ACSS3: variants seen among roughly 807,000 people sequenced by gnomAD.
The protein encoded by ACSS3 is acyl-CoA synthetase short chain family member 3.
In ACSS3, 64 loss-of-function variants were observed where a neutral mutation model predicts 84.2. That is an observed-to-expected ratio of 0.76 (90% CI 0.62 to 0.94). The LOEUF is 0.94. ACSS3 is among the 40% of genes least tolerant of loss of function. ACSS3 has a pLI of 0.00. For missense variants in ACSS3, 815 were observed against 867.6 expected, an observed-to-expected ratio of 0.94 and a Z score of 0.76; for synonymous variants, 317 against 310.1, an observed-to-expected ratio of 1.02 and a Z score of -0.23.
At chr12:81,082,044 A>T (rs183134059) in intron 1 of ACSS3, among the ~76,000 whole-genome samples, 1 of 152,366 alleles carries the variant, frequency 6.6e-6, no homozygotes, top group East Asian at 1.9e-4. Context: ...AGCGTGAAAG[A>T]CATGCATTAA....
At chr12:81,205,072 C>T (rs1043949845) in intron 9 of ACSS3, among the ~76,000 whole-genome samples, 2 of 152,006 alleles carry the variant, frequency 1.3e-5, no homozygotes, top group East Asian at 1.9e-4. Context: ...TGAACTGCTT[C>T]GGTTTTAATT....
chr12:81,232,453 T>A (rs1043104183), intron 12 of ACSS3, among the ~76,000 whole-genome samples: 1 of 151,778 alleles, frequency 6.6e-6, no homozygotes, highest in Admixed American at 6.6e-5. Flanking sequence ...GGAACTGAGA[T>A]GAACCAAAAT....
chr12:81,242,003 T>A (rs2135993083), intron 13 of ACSS3, among the ~76,000 whole-genome samples: 1 of 152,310 alleles, frequency 6.6e-6, no homozygotes, highest in South Asian at 2.1e-4. Flanking sequence ...CATCTTGAAT[T>A]GATTTTCATA....
rs1024256244 is a variant in ACSS3, at chr12:81,253,547, A to G, written c.1872A>G (p.Arg624=). ...TGGAAGAAATTGTGAAACACGTTAG[A>G]CAGAACATTGGCCCTGTGGCTGCTT... The part of the protein sequence containing the change: ...QVLEEIVKHV[R]QNIGPVAAFR... The change falls in exon 15 of 16, where the codon AGA becomes AGG. Residue 624 remains arginine, a synonymous_variant. Transcript: ENST00000548058. 1 of 1,613,986 alleles carries G rather than the reference A, an allele frequency of 6.2e-7. No homozygotes were observed. The highest frequency in any genetic ancestry group is 1.7e-5 in the Admixed American group (1 of 59,964).
chr12:81,259,674 T>A lies in ACSS3; in HGVS notation c.*4752T>A. On this transcript the variant is annotated 3_prime_UTR_variant, in exon 16 of 16. Transcript: ENST00000548058. ...AAAAGACGCCATCTAAAATATACAA[T>A]GGATAGCATTAGTTCACTGAAAAGT... 6.5e-7 allele frequency: 1 copy of A among 1,533,440 alleles called. No homozygotes were observed. Among genetic ancestry groups the A allele is most frequent in the Non-Finnish European group, 8.7e-7 (1 of 1,144,776 alleles). 95.0% of individuals were successfully genotyped at this position (1,533,440 alleles called of 1,614,324 possible).
At chr12:81,161,467 T>C (rs948852033) in intron 7 of ACSS3, among the ~76,000 whole-genome samples, 5 of 152,258 alleles carry the variant, frequency 3.3e-5, no homozygotes, top group Non-Finnish European at 7.3e-5. Context: ...GTTTCACTTC[T>C]ATTTTTTTGA....
rs190893733 is a variant in ACSS3 at position 81,212,266 on chromosome 12, T to C, written c.1355-4635T>C. Among the ~76,000 whole-genome samples, 216 of 152,334 alleles carry C rather than the reference T, an allele frequency of 1.4e-3. 1 individual carries two copies. The highest frequency in any genetic ancestry group is 2.5e-3 in the Non-Finnish European group (167 of 68,022). On this transcript the variant is annotated intron_variant, in intron 9 of 15. Transcript: ENST00000548058. ...ATGCGGGTAGAAATTTTGGCTACTT[T>C]TGTTTATTGTATCTCCAGTTCTAAC...
intron 7 of ACSS3, among the ~76,000 whole-genome samples, chr12:81,172,569 G>A (rs1442913467): frequency 1.3e-5 from 2 of 151,962 alleles, no homozygotes; most frequent in Non-Finnish European, 2.9e-5. Context: ...CCAGGAGGTC[G>A]AGGTTGTAGT....
chr12:81,128,585 A>G (rs1565993574), intron 2 of ACSS3, among the ~76,000 whole-genome samples: 1 of 152,312 alleles, frequency 6.6e-6, no homozygotes, highest in East Asian at 1.9e-4. Context: ...AAATTTAAAA[A>G]CAAATTTAAG....
chr12:81,177,950 C>A (rs1411295505), intron 8 of ACSS3, among the ~76,000 whole-genome samples: 1 of 152,144 alleles, frequency 6.6e-6, no homozygotes, highest in African/African-American at 2.4e-5. Context: ...TTGACCCAGC[C>A]ATCCCATTAC....
chr12:81,157,862 C>T (rs1886957866), intron 7 of ACSS3, among the ~76,000 whole-genome samples: 1 of 151,468 alleles, frequency 6.6e-6, no homozygotes, highest in Admixed American at 6.6e-5. Context: ...GGCATACACA[C>T]CAGAAGGGTA....
intron 6 of ACSS3, 33 bp downstream of exon 6, chr12:81,151,957 A>C (rs755844009): frequency 6.2e-7 from 1 of 1,612,786 alleles, no homozygotes; most frequent in African/African-American, 1.3e-5. Context: ...ATTACATGAC[A>C]TTCTCTGAAT....
intron 2 of ACSS3, among the ~76,000 whole-genome samples, chr12:81,133,577 T>C (rs1885636110): frequency 6.6e-6 from 1 of 152,132 alleles, no homozygotes; most frequent in Admixed American, 6.6e-5. Flanking sequence ...TTTTTTCAAC[T>C]TCTACATGTC....
At chr12:81,169,194 G>A (rs1316257560) in intron 7 of ACSS3, among the ~76,000 whole-genome samples, 1 of 152,176 alleles carries the variant, frequency 6.6e-6, no homozygotes, top group Non-Finnish European at 1.5e-5. Flanking sequence ...TATCCTTACA[G>A]GTGAGGCCTA....
At chr12:81,100,490 A>G (rs1882423930) in intron 1 of ACSS3, among the ~76,000 whole-genome samples, 1 of 152,154 alleles carries the variant, frequency 6.6e-6, no homozygotes. Context: ...AGGAGCTGAG[A>G]TTCTACCCAT....
chr12:81,122,451 A>G (rs1173190505), intron 2 of ACSS3, among the ~76,000 whole-genome samples: 1 of 152,148 alleles, frequency 6.6e-6, no homozygotes, highest in Non-Finnish European at 1.5e-5. Context: ...AAGTGTATAT[A>G]GCAGACAACA....
intron 3 of ACSS3, among the ~76,000 whole-genome samples, chr12:81,138,341 CT>C (rs1565998720): frequency 6.6e-6 from 1 of 152,152 alleles, no homozygotes. Flanking sequence ...GACATCCAAA[CT>C]TGGCCTTATA....
chr12:81,183,632 A>G (rs1475864330), intron 8 of ACSS3, among the ~76,000 whole-genome samples: 1 of 152,086 alleles, frequency 6.6e-6, no homozygotes, highest in Non-Finnish European at 1.5e-5. Flanking sequence ...GCCATCCATA[A>G]GAGAGCAGGA....
chr12:81,171,870 G>T (rs1440532250), intron 7 of ACSS3, among the ~76,000 whole-genome samples: 1 of 152,152 alleles, frequency 6.6e-6, no homozygotes, highest in African/African-American at 2.4e-5. Flanking sequence ...ACATGGTATA[G>T]TCTATTGCTC....
Sources: gnomAD v4.1 joint callset for allele counts (sites outside exome capture counted in the v4.1 genomes callset) on GRCh38, gnomAD v4.1.1 for gene constraint, MANE v1.5 for transcripts, NCBI Gene and HGNC (gene_info 2026-07-23, HGNC 2026-07-21) for gene names.